The following ARHGAP32 variants were observed in gnomAD, a reference collection of about 807,000 sequenced individuals.
ARHGAP32 encodes the protein Rho GTPase activating protein 32, also known as rho GTPase-activating protein 32.
A neutral mutation model predicts 186.5 loss-of-function variants in ARHGAP32; 51 were observed. The ratio of observed to expected loss-of-function variants is 0.27; its 90% CI spans 0.22 to 0.35. The LOEUF (loss-of-function observed/expected upper bound fraction) is 0.35, where lower values mean the gene tolerates loss of function less well. Ranked by LOEUF, ARHGAP32 falls within the 10% of genes least tolerant of loss-of-function variation. The pLI is 1.00. For synonymous variants in ARHGAP32, 950 were observed against 964.3 expected (o/e 0.99, Z 0.27); for missense variants, 2,186 against 2,623.5 (o/e 0.83, Z 3.64).
At chr11:129,254,363 T>A (rs1053049694) in intron 1 of ARHGAP32, among the ~76,000 whole-genome samples, 5 of 152,116 alleles carry the variant, frequency 3.3e-5, no homozygotes, top group African/African-American at 1.2e-4. Context: ...AGTCACTGCA[T>A]CCCAAAGGCT....
At chr11:128,999,455 C>T (rs1324459564) in intron 11 of ARHGAP32, among the ~76,000 whole-genome samples, 4 of 152,152 alleles carry the variant, frequency 2.6e-5, no homozygotes, top group South Asian at 2.1e-4. Context: ...CCTGTGATCT[C>T]GCTCTGCCCC....
chr11:129,119,488 C>A (rs1243409043), intron 5 of ARHGAP32, among the ~76,000 whole-genome samples: 1 of 152,058 alleles, frequency 6.6e-6, no homozygotes, highest in Non-Finnish European at 1.5e-5. Context: ...TGTATCTCTT[C>A]TTCAAATATA....
chr11:129,247,987 T>C (rs1056058173), intron 1 of ARHGAP32, among the ~76,000 whole-genome samples: 1 of 152,116 alleles, frequency 6.6e-6, no homozygotes, highest in Non-Finnish European at 1.5e-5. Flanking sequence ...ATTATTTATA[T>C]ACAATCTGAC....
intron 2 of ARHGAP32, 51 bp downstream of exon 2, chr11:129,164,268 C>T (rs1943588949): frequency 1.8e-6 from 2 of 1,119,988 alleles, no homozygotes; most frequent in Non-Finnish European, 2.5e-6. Context: ...TATATAAGTG[C>T]TATATATACA....
rs772301476 is a variant in ARHGAP32, at chr11:128,972,581, T to G, written c.3925A>C (p.Thr1309Pro). 6.2e-7 allele frequency: 1 copy of G among 1,602,252 alleles called. No homozygotes were observed. The highest frequency in any genetic ancestry group is 8.5e-7 in the Non-Finnish European group (1 of 1,173,064). ...TTAGTTCTGTGCGTGCGCTGAAGTG[T>G]GGCAGCAGCAAAATCAGCAGTGGTG... ...QPTTADFAAA[T>P]LQRTHRTNRP... is the part of the protein sequence containing the mutation. Residue 1309 changes from threonine (T) to proline (P), a missense_variant, in exon 22 of 23, where the codon ACA becomes CCA. Thr to Pro is a conservative substitution (Grantham distance 38). Coordinates refer to ENST00000682385, the MANE Select transcript of ARHGAP32 (RefSeq NM_001378024.1).
intron 1 of ARHGAP32, among the ~76,000 whole-genome samples, chr11:129,235,304 A>G (rs2135648113): frequency 6.6e-6 from 1 of 152,326 alleles, no homozygotes; most frequent in African/African-American, 2.4e-5. Context: ...TACCTGGTCT[A>G]GAATTTCACC....
At chr11:129,121,395 C>A (rs1171337952) in intron 5 of ARHGAP32, among the ~76,000 whole-genome samples, 2 of 151,968 alleles carry the variant, frequency 1.3e-5, no homozygotes, top group Non-Finnish European at 2.9e-5. Context: ...AAGCAGAAGG[C>A]AAGCAAAACT....
intron 1 of ARHGAP32, among the ~76,000 whole-genome samples, chr11:129,185,781 G>A (rs913207709): frequency 6.6e-6 from 1 of 151,872 alleles, no homozygotes; most frequent in Non-Finnish European, 1.5e-5. Flanking sequence ...AGAAGTAGAG[G>A]AGAAGAGAGA....
rs182456102 is a variant in ARHGAP32, at chr11:129,074,089, A to T, written c.532-7221T>A. Among the ~76,000 whole-genome samples the T allele has an allele frequency of 1.2e-3, 180 of 152,360 alleles. 1 individual carries two copies. The highest frequency in any genetic ancestry group is 4.2e-3 in the African/African-American group (173 of 41,598). ...CCTGCTCTGTAAGAAATGTAAAAGAAGTTCTTTAAAGAAAAAGAAAATGAC... is the reference window on the plus strand; with the variant it reads ...CCTGCTCTGTAAGAAATGTAAAAGATGTTCTTTAAAGAAAAAGAAAATGAC... On this transcript the variant is annotated intron_variant, in intron 6 of 22. Transcript: ENST00000682385.
chr11:129,249,833 G>C (rs1945155113), intron 1 of ARHGAP32, among the ~76,000 whole-genome samples: 1 of 152,052 alleles, frequency 6.6e-6, no homozygotes, highest in African/African-American at 2.4e-5. Context: ...AAACAGCAAT[G>C]CTGGTACTCT....
intron 10 of ARHGAP32, among the ~76,000 whole-genome samples, chr11:129,061,511 C>T (rs1238170041): frequency 6.6e-6 from 1 of 152,074 alleles, no homozygotes; most frequent in African/African-American, 2.4e-5. Context: ...AACTAATAAT[C>T]GACTAAAACA....
chr11:129,204,438 AG>A (rs1203185367), intron 1 of ARHGAP32, among the ~76,000 whole-genome samples: 1 of 152,182 alleles, frequency 6.6e-6, no homozygotes, highest in African/African-American at 2.4e-5. Context: ...AAGAAAAAAA[AG>A]TTGTACTAAG....
chr11:129,042,778 T>A (rs1939647851), intron 10 of ARHGAP32, among the ~76,000 whole-genome samples: 1 of 152,098 alleles, frequency 6.6e-6, no homozygotes, highest in Non-Finnish European at 1.5e-5. Context: ...GCTGGAGGAG[T>A]GGAGCTTCCA....
At chr11:129,130,240 G>T (rs185948365) in intron 2 of ARHGAP32, among the ~76,000 whole-genome samples, 3 of 152,174 alleles carry the variant, frequency 2.0e-5, no homozygotes, top group Admixed American at 2.0e-4. Flanking sequence ...CAAAAGAACA[G>T]CATTGTCAAT....
chr11:129,153,267 C>T (rs1034814170), intron 2 of ARHGAP32, among the ~76,000 whole-genome samples: 7 of 152,082 alleles, frequency 4.6e-5, no homozygotes, highest in African/African-American at 9.7e-5. Context: ...ATCCCATGTT[C>T]GTGGATGGGT....
chr11:129,075,464 T>A (rs1941006050), intron 6 of ARHGAP32, among the ~76,000 whole-genome samples: 1 of 152,178 alleles, frequency 6.6e-6, no homozygotes, highest in South Asian at 2.1e-4. Context: ...ATTTATGTGC[T>A]TAAAAACAGA....
At chr11:129,183,845 T>A (rs1204744790) in intron 1 of ARHGAP32, among the ~76,000 whole-genome samples, 2 of 152,070 alleles carry the variant, frequency 1.3e-5, no homozygotes, top group Admixed American at 1.3e-4. Context: ...TCAAAACCTA[T>A]GAAAAAAACT....
At chr11:129,078,440 T>G (rs556818293) in intron 6 of ARHGAP32, among the ~76,000 whole-genome samples, 1 of 152,202 alleles carries the variant, frequency 6.6e-6, no homozygotes, top group South Asian at 2.1e-4. Flanking sequence ...CAGCAATGGA[T>G]CCGAACAAAA....
Position 129,076,933 on chromosome 11 carries a change from T to G in ARHGAP32, c.532-10065A>C, listed in dbSNP as rs142700377. Among the ~76,000 whole-genome samples the G allele has an allele frequency of 1.3e-3, 192 of 152,216 alleles. 3 individuals are homozygous for G. The highest frequency in any genetic ancestry group is 4.4e-3 in the African/African-American group (181 of 41,538). Reference sequence around the variant, plus strand: ...CATGAGACAGCTGAAAAACTGTGAGTGCCCCAAGTGTGAAAGGGGGAAAGT... The same window carrying G: ...CATGAGACAGCTGAAAAACTGTGAGGGCCCCAAGTGTGAAAGGGGGAAAGT... On this transcript the variant is annotated intron_variant, in intron 6 of 22. Transcript: ENST00000682385.
Sources: allele counts gnomAD v4.1 joint callset (sites outside exome capture counted in the v4.1 genomes callset), GRCh38; gene constraint gnomAD v4.1.1; transcripts MANE v1.5; gene names NCBI Gene and HGNC (gene_info 2026-07-23, HGNC 2026-07-21).